Variants in GAPVD1 observed in about 807,000 individuals in gnomAD.
GAPVD1 encodes the protein GTPase-activating protein and VPS9 domain-containing protein 1.
In GAPVD1, 35 loss-of-function variants were observed where a neutral mutation model predicts 155.5. The ratio of observed to expected loss-of-function variants is 0.23; its 90% CI spans 0.17 to 0.30. GAPVD1 has a LOEUF of 0.30. Among genes scored for constraint, GAPVD1 ranks in the 10% least tolerant of loss-of-function variants. The probability of loss-of-function intolerance (pLI) is 1.00; values close to 1 mark genes in which losing one functional copy is unlikely to be tolerated. For synonymous variants in GAPVD1, 636 were observed against 619.7 expected, an observed-to-expected ratio of 1.03 and a Z score of -0.39; for missense variants, 1,429 against 1,775.7, an observed-to-expected ratio of 0.80 and a Z score of 3.51.
In GAPVD1 at chr9:125,261,859, C is replaced by G. The variant is rs948688623; in HGVS notation, c.-299C>G. Reference sequence around the variant, plus strand: ...GCCAACAGGCGAGTGGCGAAGGTGGCGGCAGCGGCGGCGGGGGCAGTCACC... The same window carrying G: ...GCCAACAGGCGAGTGGCGAAGGTGGGGGCAGCGGCGGCGGGGGCAGTCACC... On this transcript the variant is annotated 5_prime_UTR_variant, in exon 1 of 28. Transcript: ENST00000297933. 2.0e-5 allele frequency: 3 copies of G among 153,220 alleles called. No homozygotes were observed. The highest frequency in any genetic ancestry group is 6.5e-5 in the Admixed American group (1 of 15,294). 9.5% of individuals were successfully genotyped at this position (153,220 alleles called of 1,614,324 possible).
At chr9:125,293,864 A>AAATATATTT (rs1427205864) in intron 2 of GAPVD1, among the ~76,000 whole-genome samples, 244 of 14,690 alleles carry the variant, frequency 0.017, 12 homozygotes, top group South Asian at 0.07. Context: ...ATATATATAT[A>AAATATATTT]TATATATATA....
intron 2 of GAPVD1, among the ~76,000 whole-genome samples, chr9:125,279,764 C>CTT (rs761676874): frequency 2.1e-5 from 3 of 141,470 alleles, no homozygotes; most frequent in Non-Finnish European, 4.7e-5. Context: ...TATTCAGTGA[C>CTT]TTTTTTTTTT....
chr9:125,268,209 A>G (rs1834300867), intron 1 of GAPVD1, among the ~76,000 whole-genome samples: 1 of 140,080 alleles, frequency 7.1e-6, no homozygotes, highest in Non-Finnish European at 1.6e-5. Flanking sequence ...CCCCCCCAAA[A>G]AAAAACCAAG....
intron 10 of GAPVD1, among the ~76,000 whole-genome samples, chr9:125,322,071 AT>A (rs893287108): frequency 7.0e-4 from 103 of 147,016 alleles, no homozygotes; most frequent in African/African-American, 1.5e-3. Flanking sequence ...ACTAGTACCA[AT>A]TTTTTTTTTT....
chr9:125,293,206 A>G (rs529128462), intron 2 of GAPVD1, among the ~76,000 whole-genome samples: 65 of 152,192 alleles, frequency 4.3e-4, no homozygotes, highest in African/African-American at 1.4e-3. Flanking sequence ...AGAAATAGAA[A>G]AGTCTGAAAG....
rs1842071324 is a variant in GAPVD1, at chr9:125,307,684, T to C, written c.1252-7T>C. On this transcript the variant is annotated splice_region_variant and splice_polypyrimidine_tract_variant and intron_variant, in intron 7 of 27. Transcript: ENST00000297933. ...TTTCATTAGCTAATGTTCTTTGCTT[T>C]TGCCAGGTGAATTTTATGAAGAGTG... is the stretch of plus-strand genomic sequence containing the variant. 1 of 1,611,202 alleles carries C rather than the reference T, an allele frequency of 6.2e-7. No individual in the cohort carries two copies. Among genetic ancestry groups the C allele is most frequent in the Non-Finnish European group, 8.5e-7 (1 of 1,177,426 alleles).
intron 17 of GAPVD1, among the ~76,000 whole-genome samples, chr9:125,340,327 T>G (rs487228): frequency 0.6 from 91,326 of 152,116 alleles, 29,522 homozygotes; most frequent in African/African-American, 0.86. Flanking sequence ...AGCTTCTTTG[T>G]CATGTGTTAA....
chr9:125,293,723 T>A (rs71497083), intron 2 of GAPVD1, among the ~76,000 whole-genome samples: 1 of 122,414 alleles, frequency 8.2e-6, no homozygotes. Flanking sequence ...TTATATTTTA[T>A]ATAAATATAT....
chr9:125,315,519 A>C (rs180856669), intron 9 of GAPVD1, among the ~76,000 whole-genome samples: 93 of 152,224 alleles, frequency 6.1e-4, no homozygotes, highest in African/African-American at 2.1e-3. Flanking sequence ...TGAAAGCAGC[A>C]TGGTTGTGTA....
At chr9:125,293,795 TA>T (rs1179164862) in intron 2 of GAPVD1, among the ~76,000 whole-genome samples, 1 of 125,360 alleles carries the variant, frequency 8.0e-6, no homozygotes, top group African/African-American at 3.0e-5. Context: ...ATAAAATATA[TA>T]AAAATTTTTA....
In GAPVD1 at chr9:125,302,366, T is replaced by C. The variant is rs183770566; in HGVS notation, c.569T>C (p.Phe190Ser). 6.2e-7 allele frequency: 1 copy of C among 1,614,160 alleles called. No individual in the cohort carries two copies. The change falls in exon 5 of 28, where the codon TTT (phenylalanine) becomes TCT (serine). Residue 190 changes from phenylalanine to serine, a missense_variant. Phe to Ser is a radical substitution (Grantham distance 155, BLOSUM62 -2). This residue lies in a region of GAPVD1 where 628 missense variants were observed against 733.4 expected (regional missense o/e 0.86). Transcript: ENST00000297933. ...TTTAAACTTTTTTCTGAAGGACTGT[T>C]TTCTGCCAAACTTTTCCTCACAGCC... ...ILFKLFSEGL[F>S]SAKLFLTATL...
intron 2 of GAPVD1, among the ~76,000 whole-genome samples, chr9:125,278,531 A>T (rs1403845527): frequency 3.3e-5 from 5 of 150,960 alleles, no homozygotes; most frequent in African/African-American, 1.2e-4. Context: ...AAAACAAATA[A>T]ATAAGTAAAA....
At chr9:125,287,279 T>G (rs556243808) in intron 2 of GAPVD1, among the ~76,000 whole-genome samples, 1 of 152,332 alleles carries the variant, frequency 6.6e-6, no homozygotes, top group Admixed American at 6.5e-5. Flanking sequence ...GGCTCATGCC[T>G]GTAATCCTAG....
intron 2 of GAPVD1, among the ~76,000 whole-genome samples, chr9:125,272,430 A>G (rs1588538796): frequency 6.6e-6 from 1 of 152,224 alleles, no homozygotes; most frequent in South Asian, 2.1e-4. Flanking sequence ...TTAATATCTA[A>G]CTATTGCAGG....
chr9:125,275,470 C>T (rs1214287784), intron 2 of GAPVD1, among the ~76,000 whole-genome samples: 3 of 152,142 alleles, frequency 2.0e-5, no homozygotes, highest in Non-Finnish European at 4.4e-5. Flanking sequence ...ATCTTGTTGC[C>T]AGGCATGGTG....
In GAPVD1 at chr9:125,323,924, G is replaced by A; in HGVS notation, c.1858+1G>A. ...CTACAGCTGTTAGAACATGAGCAAG[G>A]TAAAGTGAAGTTGAACACAGTTGCC... On this transcript the variant is annotated splice_donor_variant, in intron 11 of 27. Transcript: ENST00000297933. LOFTEE classifies it high-confidence loss of function. The A allele has an allele frequency of 6.2e-7, 1 of 1,612,356 alleles. No individual in the cohort carries two copies. Among genetic ancestry groups the A allele is most frequent in the Non-Finnish European group, 8.5e-7 (1 of 1,179,300 alleles).
intron 19 of GAPVD1, among the ~76,000 whole-genome samples, chr9:125,345,033 C>A (rs1364891178): frequency 2.0e-5 from 3 of 152,048 alleles, no homozygotes; most frequent in African/African-American, 7.2e-5. Flanking sequence ...GGACTCTTGC[C>A]CCCCCACTTC....
chr9:125,340,172 C>T (rs1173766116), intron 17 of GAPVD1, among the ~76,000 whole-genome samples: 1 of 152,152 alleles, frequency 6.6e-6, no homozygotes, highest in Non-Finnish European at 1.5e-5. Context: ...AGGCGAGCAC[C>T]ACCACGCCCG....
At chr9:125,335,337 T>A (rs1422012128) in intron 15 of GAPVD1, 1 of 531,084 alleles carries the variant, frequency 1.9e-6, no homozygotes, top group African/African-American at 2.0e-5. Context: ...TTTATTTATT[T>A]ATTTTTAATG....
Sources: gnomAD v4.1 joint callset for allele counts (sites outside exome capture counted in the v4.1 genomes callset) on GRCh38, gnomAD v4.1.1 for gene constraint, gnomAD v4.1.1 regional missense constraint, MANE v1.5 for transcripts, NCBI Gene and HGNC (gene_info 2026-07-23, HGNC 2026-07-21) for gene names.